The following INPP4B variants were observed in gnomAD, a reference collection of about 807,000 sequenced individuals.
INPP4B encodes the protein inositol polyphosphate-4-phosphatase type II B, also known as inositol polyphosphate 4-phosphatase type II.
In INPP4B, 55 loss-of-function variants were observed where a neutral mutation model predicts 122.5. The ratio of observed to expected loss-of-function variants is 0.45; its 90% CI spans 0.36 to 0.56. The LOEUF (loss-of-function observed/expected upper bound fraction) is 0.56, where lower values mean the gene tolerates loss of function less well. Ranked by LOEUF, INPP4B falls within the 20% of genes least tolerant of loss-of-function variation. The pLI, the probability that INPP4B is intolerant of heterozygous loss-of-function variation, is 0.00. For synonymous variants in INPP4B, 403 were observed against 388.7 expected, an observed-to-expected ratio of 1.04 and a Z score of -0.43; for missense variants, 1,000 against 1,097.7, an observed-to-expected ratio of 0.91 and a Z score of 1.26.
intron 2 of INPP4B, among the ~76,000 whole-genome samples, chr4:142,642,756 T>C (rs1439962793): frequency 2.6e-5 from 4 of 152,204 alleles, no homozygotes; most frequent in Non-Finnish European, 4.4e-5. Context: ...TGCGGGCTCT[T>C]TTTTGGTTCT....
chr4:142,389,695 C>G (rs1797080740), intron 7 of INPP4B, among the ~76,000 whole-genome samples: 1 of 152,154 alleles, frequency 6.6e-6, no homozygotes, highest in Admixed American at 6.5e-5. Context: ...ACCTCACCTG[C>G]ACCTAGTACA....
In INPP4B at chr4:142,058,582, C is replaced by T. The variant is rs1404096187; in HGVS notation, c.2642+23449G>A. On this transcript the variant is annotated intron_variant, in intron 25 of 25. Coordinates refer to ENST00000262992, the MANE Select transcript of INPP4B (RefSeq NM_001101669.3). Reference sequence around the variant, plus strand: ...TTAAGGCACTGCAGAATTCATATACCACTCTCATATACCATTTAACACTTA... The same window carrying T: ...TTAAGGCACTGCAGAATTCATATACTACTCTCATATACCATTTAACACTTA... Among the ~76,000 whole-genome samples the T allele has an allele frequency of 2.0e-5, 3 of 152,072 alleles. No homozygotes were observed. The East Asian group carries it at 5.8e-4, about 29-fold the overall frequency.
intron 2 of INPP4B, among the ~76,000 whole-genome samples, chr4:142,701,575 A>T (rs938177362): frequency 2.0e-5 from 3 of 151,812 alleles, no homozygotes; most frequent in African/African-American, 7.3e-5. Context: ...GCTTGTTTCT[A>T]TTTCACCAAA....
rs192651722 is a variant in INPP4B, at chr4:142,657,110, G to A, written c.-191+68729C>T. 5.8e-4 allele frequency among the ~76,000 whole-genome samples: 89 copies of A among 152,284 alleles called. 1 individual carries two copies. Among genetic ancestry groups the A allele is most frequent in the African/African-American group, 2.1e-3 (87 of 41,578 alleles). On this transcript the variant is annotated intron_variant, in intron 2 of 25. Coordinates refer to ENST00000262992, the MANE Select transcript of INPP4B (RefSeq NM_001101669.3). ...TTAAAGGGCTGCACCCAGTGACTGG[G>A]TGGTCCTCTGTGTGTGTACTGTGTG...
intron 2 of INPP4B, among the ~76,000 whole-genome samples, chr4:142,554,593 C>G (rs1342164288): frequency 6.6e-6 from 1 of 152,112 alleles, no homozygotes; most frequent in African/African-American, 2.4e-5. Context: ...CTGGCTTCAC[C>G]TTACATCAAA....
intron 2 of INPP4B, among the ~76,000 whole-genome samples, chr4:142,555,909 C>T (rs1729065171): frequency 6.6e-6 from 1 of 151,328 alleles, no homozygotes; most frequent in Non-Finnish European, 1.5e-5. Flanking sequence ...TTCTATGTTT[C>T]TGTCTACTAG....
At chr4:142,097,878 T>C (rs1782666796) in intron 23 of INPP4B, among the ~76,000 whole-genome samples, 1 of 152,154 alleles carries the variant, frequency 6.6e-6, no homozygotes. Flanking sequence ...ACTCAACTTA[T>C]ACCATGCATT....
At chr4:142,388,978 T>G (rs1796820596) in intron 7 of INPP4B, among the ~76,000 whole-genome samples, 1 of 152,108 alleles carries the variant, frequency 6.6e-6, no homozygotes, top group Non-Finnish European at 1.5e-5. Context: ...AGAGGCCCAG[T>G]GAGGTAGCTC....
chr4:142,586,332 A>AAAC (rs971325299), intron 2 of INPP4B, among the ~76,000 whole-genome samples: 6 of 152,134 alleles, frequency 3.9e-5, no homozygotes, highest in Admixed American at 3.3e-4. Flanking sequence ...AAAACAACAA[A>AAAC]AACAACAACA....
intron 18 of INPP4B, among the ~76,000 whole-genome samples, chr4:142,131,810 A>T (rs1186358341): frequency 1.3e-5 from 2 of 152,188 alleles, no homozygotes; most frequent in East Asian, 3.9e-4. Context: ...ACAAAATTAG[A>T]TGGGCATGGT....
At position 142,537,400 on chromosome 4, in the gene INPP4B, G is replaced by GTA. The variant is rs34425745; in HGVS notation, c.-190-74676_-190-74675dup. On this transcript the variant is annotated intron_variant, in intron 2 of 25. Coordinates refer to ENST00000262992, the MANE Select transcript of INPP4B (RefSeq NM_001101669.3). ...TCAGAGACCAGAGATTTTACATACA[G>GTA]TATATATATATATATATATATATAT... 6.3e-3 allele frequency among the ~76,000 whole-genome samples: 207 copies of GTA among 32,898 alleles called. 1 individual carries two copies. Among genetic ancestry groups the GTA allele is most frequent in the African/African-American group, 0.015 (155 of 10,052 alleles). The allele number at this position is 32,898 out of a possible 152,430, so 21.6% of individuals were successfully genotyped here. A position where few individuals can be genotyped will look rare whatever the true frequency, so the allele number is the denominator to read the frequency against.
chr4:142,731,220 C>G (rs1284297746), intron 1 of INPP4B, among the ~76,000 whole-genome samples: 1 of 151,952 alleles, frequency 6.6e-6, no homozygotes, highest in African/African-American at 2.4e-5. Flanking sequence ...TTGGACATGT[C>G]AGATGGAAAA....
At chr4:142,251,238 A>T (rs1275383394) in intron 11 of INPP4B, among the ~76,000 whole-genome samples, 1 of 152,220 alleles carries the variant, frequency 6.6e-6, no homozygotes, top group Non-Finnish European at 1.5e-5. Context: ...CGGGGTTCAC[A>T]TAAGTCAGTC....
At chr4:142,438,014 A>G (rs1810907619) in intron 3 of INPP4B, among the ~76,000 whole-genome samples, 1 of 152,152 alleles carries the variant, frequency 6.6e-6, no homozygotes, top group South Asian at 2.1e-4. Flanking sequence ...GGATCTCTTT[A>G]AGGAGAACTA....
At chr4:142,659,808 C>T (rs1754832165) in intron 2 of INPP4B, among the ~76,000 whole-genome samples, 1 of 152,136 alleles carries the variant, frequency 6.6e-6, no homozygotes, top group Admixed American at 6.5e-5. Flanking sequence ...CCTTTCCTCT[C>T]CCTTGTTGGA....
intron 3 of INPP4B, among the ~76,000 whole-genome samples, chr4:142,442,118 A>T (rs1811857282): frequency 6.6e-6 from 1 of 152,092 alleles, no homozygotes; most frequent in Admixed American, 6.6e-5. Context: ...AGACCATAAG[A>T]AAAACATGGG....
Position 142,303,705 on chromosome 4 carries a change from CATT to C in INPP4B, c.503+1750_503+1752del, listed in dbSNP as rs1334044634. ...AGCCATTTCAGAATTGGTTTTCTAA[CATT>C]ATTTTTTCTAGAAAAGTCAATTCTT... On this transcript the variant is annotated intron_variant, in intron 9 of 25. Coordinates refer to ENST00000262992, the MANE Select transcript of INPP4B (RefSeq NM_001101669.3). Among the ~76,000 whole-genome samples, 4 of 152,072 alleles carry C rather than the reference CATT, an allele frequency of 2.6e-5. No individual in the cohort carries two copies. The East Asian group carries it at 5.8e-4, about 22-fold the overall frequency.
At chr4:142,220,507 T>C (rs1332806809) in intron 12 of INPP4B, among the ~76,000 whole-genome samples, 1 of 152,198 alleles carries the variant, frequency 6.6e-6, no homozygotes, top group Non-Finnish European at 1.5e-5. Context: ...TTCATAACAA[T>C]TCATTGAAAT....
At chr4:142,815,571 C>A (rs12498497) in intron 1 of INPP4B, among the ~76,000 whole-genome samples, 33 of 152,084 alleles carry the variant, frequency 2.2e-4, no homozygotes, top group Non-Finnish European at 4.6e-4. Context: ...TTCTTTTAAA[C>A]GTAAGCTGTG....
Sources: gnomAD v4.1 joint callset for allele counts (sites outside exome capture counted in the v4.1 genomes callset) on GRCh38, gnomAD v4.1.1 for gene constraint, MANE v1.5 for transcripts, NCBI Gene and HGNC (gene_info 2026-07-23, HGNC 2026-07-21) for gene names.